DYSF: variants seen among roughly 807,000 people sequenced by gnomAD.
DYSF encodes the protein dysferlin, also known as dystrophy-associated fer-1-like 1.
DYSF carries 212 observed loss-of-function variants against 274.9 expected under a neutral mutation model. The ratio of observed to expected loss-of-function variants is 0.77; its 90% CI spans 0.69 to 0.86. The LOEUF is 0.86. Ranked by LOEUF, DYSF falls within the 40% of genes least tolerant of loss-of-function variation. DYSF has a pLI of 0.00. For missense variants in DYSF, 2,666 were observed against 2,783.2 expected (o/e 0.96, Z 0.95); for synonymous variants, 1,091 against 1,078.7 (o/e 1.01, Z -0.22).
intron 1 of DYSF, among the ~76,000 whole-genome samples, chr2:71,454,600 G>A (rs1022013569): frequency 1.3e-5 from 2 of 152,202 alleles, no homozygotes; most frequent in East Asian, 1.9e-4. Context: ...CTTGCTTTGC[G>A]CACAGGATGG....
In DYSF at chr2:71,594,306, G is replaced by A. The variant is rs553885956; in HGVS notation, c.3574+4018G>A. Among the ~76,000 whole-genome samples the A allele has an allele frequency of 4.6e-5, 7 of 152,292 alleles. No homozygotes were observed. In the South Asian group the frequency reaches 1.5e-3, roughly 32 times the overall value. On this transcript the variant is annotated intron_variant, in intron 32 of 55. Transcript: ENST00000410020. ...CTCTGGCTGGGGCAATCCACCAGAC[G>A]AGCTTAAGGAGGTGTTTTCCAAAGT... is the stretch of plus-strand genomic sequence containing the variant.
At chr2:71,668,118 G>A (rs1161254480) in intron 48 of DYSF, among the ~76,000 whole-genome samples, 1 of 152,094 alleles carries the variant, frequency 6.6e-6, no homozygotes, top group African/African-American at 2.4e-5. Context: ...TAGGCAAAGA[G>A]AAAGGCCAAA....
Position 71,568,261 on chromosome 2 carries a change from C to G in DYSF, c.2787C>G (p.Ile929Met). The G allele has an allele frequency of 2.5e-6, 4 of 1,614,246 alleles. No individual in the cohort carries two copies. Among genetic ancestry groups the G allele is most frequent in the Non-Finnish European group, 3.4e-6 (4 of 1,180,058 alleles). ...AGTTTTCTGACGTCACGGGCAAGAT[C>G]AAGCTACCCAAGGACAGCTTCCGCC... is the stretch of plus-strand genomic sequence containing the variant. ...YPKFSDVTGK[I>M]KLPKDSFRPS... Residue 929 changes from isoleucine (I) to methionine (M), a missense_variant, in exon 26 of 56, where the codon ATC becomes ATG. Physicochemically the swap from Ile to Met is conservative, Grantham distance 10. Around this residue, in one of 3 missense-constraint regions of DYSF, gnomAD observed 412 missense variants for 504.0 expected, o/e 0.82. Transcript: ENST00000410020.
chr2:71,623,423 G>A (rs1302229824), intron 41 of DYSF, among the ~76,000 whole-genome samples: 1 of 150,134 alleles, frequency 6.7e-6, no homozygotes, highest in African/African-American at 2.5e-5. Context: ...AGAATATGCG[G>A]TGTTTGGTTT....
At chr2:71,572,267 A>G (rs1326433090) in intron 29 of DYSF, among the ~76,000 whole-genome samples, 1 of 139,500 alleles carries the variant, frequency 7.2e-6, no homozygotes, top group African/African-American at 2.8e-5. Flanking sequence ...ACAGATCACA[A>G]CCAGCACAGA....
rs367635287 is a variant in DYSF, at chr2:71,602,776, G to T, written c.3928G>T (p.Val1310Leu). The stretch of plus-strand genomic sequence containing the variant: ...GCCACATCCCATGGCTGTGGGCCAG[G>T]TGCAGGAGACATCAAGGATCCTGGA... Reference protein sequence around the residue: ...PAIHHIPGFEVQETSRILDES... With the variant: ...PAIHHIPGFELQETSRILDES... The change falls in exon 36 of 56, where the codon GTG (valine) becomes TTG (leucine). Residue 1310 changes from valine (V) to leucine (L), a missense_variant and splice_region_variant. Coordinates refer to ENST00000410020, the MANE Select transcript of DYSF (RefSeq NM_001130987.2). 1 of 1,613,312 alleles carries T rather than the reference G, an allele frequency of 6.2e-7. No individual in the cohort carries two copies. Among genetic ancestry groups the T allele is most frequent in the Non-Finnish European group, 8.5e-7 (1 of 1,179,864 alleles).
At chr2:71,617,140 G>A (rs1457750553) in intron 40 of DYSF, among the ~76,000 whole-genome samples, 2 of 152,162 alleles carry the variant, frequency 1.3e-5, no homozygotes, top group African/African-American at 2.4e-5. Flanking sequence ...TTAGCATTCC[G>A]AGAGAGCACT....
chr2:71,546,842 C>T (rs1024280959), intron 17 of DYSF, among the ~76,000 whole-genome samples: 4 of 152,238 alleles, frequency 2.6e-5, no homozygotes, highest in Non-Finnish European at 4.4e-5. Flanking sequence ...GGGGATGTGC[C>T]GAGAGGCAGA....
intron 12 of DYSF, among the ~76,000 whole-genome samples, chr2:71,521,815 C>T (rs2087305477): frequency 6.6e-6 from 1 of 152,092 alleles, no homozygotes; most frequent in African/African-American, 2.4e-5. Context: ...GTATAGTTTA[C>T]TCCTTATCTA....
At chr2:71,512,824 C>T (rs7568048) in intron 5 of DYSF, among the ~76,000 whole-genome samples, 5,463 of 152,204 alleles carry the variant, frequency 0.036, 124 homozygotes, top group Middle Eastern at 0.065. Context: ...GTGAGGTCGG[C>T]AGAGCAGAGC....
intron 40 of DYSF, among the ~76,000 whole-genome samples, chr2:71,614,287 C>A (rs1056054069): frequency 1.3e-5 from 2 of 152,232 alleles, no homozygotes; most frequent in Non-Finnish European, 1.5e-5. Flanking sequence ...CACCCTGGGG[C>A]TCCCAGAACT....
intron 14 of DYSF, among the ~76,000 whole-genome samples, chr2:71,528,953 A>T (rs1573765866): frequency 6.7e-6 from 1 of 149,524 alleles, no homozygotes; most frequent in Non-Finnish European, 1.5e-5. Flanking sequence ...GTGTCTGTGC[A>T]CCCCCCACAG....
intron 47 of DYSF, among the ~76,000 whole-genome samples, chr2:71,665,520 C>G (rs1462058735): frequency 1.3e-5 from 2 of 152,170 alleles, no homozygotes; most frequent in Non-Finnish European, 2.9e-5. Flanking sequence ...GAGGTCAGGG[C>G]ACAGCCAGGG....
chr2:71,484,927 G>A (rs927712931), intron 3 of DYSF, among the ~76,000 whole-genome samples: 3 of 152,164 alleles, frequency 2.0e-5, no homozygotes, highest in African/African-American at 7.2e-5. Context: ...ATTGGCCCCT[G>A]TGGGTGTTCT....
chr2:71,611,608 C>T lies in DYSF; in HGVS notation c.4203C>T (p.Cys1401=), dbSNP rs1182237096. ...GGAAGAACCCCAACTTTGACATCTG[C>T]ACCCTCTTCATGGAAGTGGTGAGCC... ...NLRKNPNFDI[C]TLFMEVMLPR... The change falls in exon 38 of 56, where the codon TGC becomes TGT. Residue 1401 remains cysteine (C), a synonymous_variant. Transcript: ENST00000410020. The T allele has an allele frequency of 3.1e-6, 5 of 1,613,862 alleles. No homozygotes were observed. In the African/African-American group the frequency reaches 5.3e-5, roughly 17 times the overall value.
intron 42 of DYSF, among the ~76,000 whole-genome samples, chr2:71,648,586 C>T (rs566026305): frequency 1.1e-4 from 16 of 151,866 alleles, no homozygotes; most frequent in Admixed American, 6.5e-4. Context: ...TAAAACCTTA[C>T]GGAAATGAAA....
intron 29 of DYSF, among the ~76,000 whole-genome samples, chr2:71,571,588 C>T (rs1347843080): frequency 6.2e-5 from 9 of 144,010 alleles, no homozygotes; most frequent in African/African-American, 2.4e-4. Flanking sequence ...ACAGATCACA[C>T]CCAGCACACA....
intron 4 of DYSF, among the ~76,000 whole-genome samples, chr2:71,510,572 T>TA (rs2085987428): frequency 6.6e-6 from 1 of 152,150 alleles, no homozygotes; most frequent in African/African-American, 2.4e-5. Context: ...CTGCTCTCCT[T>TA]AGTGTGGCTG....
intron 1 of DYSF, among the ~76,000 whole-genome samples, chr2:71,470,730 TTCCTTCTTTCCTTCCTTCC>T (rs2081959079): frequency 8.0e-6 from 1 of 125,040 alleles, no homozygotes; most frequent in African/African-American, 3.3e-5. Flanking sequence ...CTTTCCTTCC[TTCCTTCTTTCCTTCCTTCC>T]TTCCTTCCTT....
Sources: allele counts gnomAD v4.1 joint callset (sites outside exome capture counted in the v4.1 genomes callset), GRCh38; gene constraint gnomAD v4.1.1; regional missense constraint gnomAD v4.1.1; transcripts MANE v1.5; gene names NCBI Gene and HGNC (gene_info 2026-07-23, HGNC 2026-07-21).